The following RIC1 variants were observed in gnomAD, a reference collection of about 807,000 sequenced individuals.
RIC1 encodes the protein guanine nucleotide exchange factor subunit RIC1.
A neutral mutation model predicts 169.0 loss-of-function variants in RIC1; 88 were observed. The ratio of observed to expected loss-of-function variants is 0.52; its 90% CI spans 0.44 to 0.62. The LOEUF (loss-of-function observed/expected upper bound fraction) is 0.62, where lower values mean the gene tolerates loss of function less well. Among genes scored for constraint, RIC1 ranks in the 20% least tolerant of loss-of-function variants. The pLI, the probability that RIC1 is intolerant of heterozygous loss-of-function variation, is 0.00. For missense variants in RIC1, 1,877 were observed against 1,725.5 expected, an observed-to-expected ratio of 1.09 and a Z score of -1.56; for synonymous variants, 790 against 601.5, an observed-to-expected ratio of 1.31 and a Z score of -4.59.
Position 5,763,503 on chromosome 9 carries a change from A to T in RIC1, c.2476A>T (p.Ile826Phe). ...CTGTGTTGTGGAGAGAACCTCTCAG[A>T]TCTACCTCCACCACATTCTACGTCA... is the stretch of plus-strand genomic sequence containing the variant. Reference protein sequence around the residue: ...PFCVVERTSQIYLHHILRQLL... With the variant: ...PFCVVERTSQFYLHHILRQLL... The change falls in exon 19 of 26, where the codon ATC (isoleucine) becomes TTC (phenylalanine). Residue 826 changes from isoleucine to phenylalanine, a missense_variant. Coordinates refer to ENST00000414202, the MANE Select transcript of RIC1 (RefSeq NM_020829.4). This position sits in a 1 kb window ranked among gnomAD's most constrained non-coding sequence, Gnocchi z 5.2. The T allele has an allele frequency of 6.2e-7, 1 of 1,614,154 alleles. No individual in the cohort carries two copies. The highest frequency in any genetic ancestry group is 8.5e-7 in the Non-Finnish European group (1 of 1,180,014).
At chr9:5,724,694 T>C (rs78828765) in intron 6 of RIC1, among the ~76,000 whole-genome samples, 1 of 152,318 alleles carries the variant, frequency 6.6e-6, no homozygotes, top group African/African-American at 2.4e-5. Context: ...TTTGTGGGTT[T>C]GTCATAAGTA....
At chr9:5,740,277 C>T (rs1274395037) in intron 8 of RIC1, among the ~76,000 whole-genome samples, 1 of 152,090 alleles carries the variant, frequency 6.6e-6, no homozygotes. Context: ...CAAGGACTGT[C>T]AGTGCGTACT....
chr9:5,696,984 C>G (rs1000057495), intron 3 of RIC1, among the ~76,000 whole-genome samples: 5 of 152,164 alleles, frequency 3.3e-5, no homozygotes, highest in African/African-American at 7.2e-5. Flanking sequence ...TTAAGAAGGT[C>G]TCTCCATTCT....
chr9:5,718,139 CA>C (rs35477806), intron 4 of RIC1, among the ~76,000 whole-genome samples: 237 of 28,056 alleles, frequency 8.4e-3, no homozygotes, highest in Non-Finnish European at 0.012. Flanking sequence ...GACTCCGTCT[CA>C]AAAAAAAAAA....
chr9:5,703,272 G>GA (rs1373428588), intron 3 of RIC1, among the ~76,000 whole-genome samples: 1 of 152,182 alleles, frequency 6.6e-6, no homozygotes, highest in Non-Finnish European at 1.5e-5. Context: ...TCAGCCAAAA[G>GA]AAAGGGACTA....
intron 6 of RIC1, among the ~76,000 whole-genome samples, chr9:5,727,786 G>A (rs1824090826): frequency 6.6e-6 from 1 of 152,228 alleles, no homozygotes; most frequent in South Asian, 2.1e-4. Context: ...CTGTAGGTCT[G>A]TTGGAGTTTG....
intron 1 of RIC1, 111 bp downstream of exon 1, chr9:5,629,564 C>T (rs1478113929): frequency 2.5e-6 from 3 of 1,191,234 alleles, no homozygotes; most frequent in Admixed American, 6.9e-5. Context: ...GTGCCAGACC[C>T]ACCTGCCTTC....
chr9:5,774,829 T>C lies in RIC1; in HGVS notation c.*583T>C, dbSNP rs1827490017. The C allele has an allele frequency of 6.6e-6, 1 of 152,288 alleles. No homozygotes were observed. Among genetic ancestry groups the C allele is most frequent in the Non-Finnish European group, 1.5e-5 (1 of 68,086 alleles). 9.4% of individuals were successfully genotyped at this position (152,288 alleles called of 1,614,324 possible). On this transcript the variant is annotated 3_prime_UTR_variant, in exon 26 of 26. Transcript: ENST00000414202. ...CCAGTCCAGAATTGATGGAAGCTAT[T>C]TACCTGTGAGTTAATGTGCTTGTTT...
At position 5,763,338 on chromosome 9, in the gene RIC1, C is replaced by T; in HGVS notation, c.2311C>T (p.Pro771Ser). The change falls in exon 19 of 26, where the codon CCT becomes TCT. Residue 771 changes from proline to serine, a missense_variant. Around this residue, in one of 3 missense-constraint regions of RIC1, gnomAD observed 1,104 missense variants for 992.0 expected, o/e 1.11. Coordinates refer to ENST00000414202, the MANE Select transcript of RIC1 (RefSeq NM_020829.4). This position sits in a 1 kb window ranked among gnomAD's most constrained non-coding sequence, Gnocchi z 5.2. The stretch of plus-strand genomic sequence containing the variant: ...CTTCTTGTCCCAGCGGATCATGCTG[C>T]CTTTCCACATCAACATTTACCCGCT... ...HSFLSQRIML[P>S]FHINIYPLAV... The T allele has an allele frequency of 6.2e-7, 1 of 1,614,166 alleles. No homozygotes were observed. Among genetic ancestry groups the T allele is most frequent in the East Asian group, 2.2e-5 (1 of 44,886 alleles).
chr9:5,692,492 A>G (rs1821643235), intron 3 of RIC1, among the ~76,000 whole-genome samples: 1 of 152,038 alleles, frequency 6.6e-6, no homozygotes, highest in Admixed American at 6.6e-5. Flanking sequence ...ATATATATCT[A>G]CTTGATATTT....
At chr9:5,771,274 T>G (rs1563727172) in intron 23 of RIC1, among the ~76,000 whole-genome samples, 1 of 152,216 alleles carries the variant, frequency 6.6e-6, no homozygotes, top group Non-Finnish European at 1.5e-5. Context: ...CTCTCTGAAT[T>G]TGACTATTCT....
In RIC1 at chr9:5,629,408, C is replaced by G. The variant is rs754075935; in HGVS notation, c.99C>G (p.Phe33Leu). Residue 33 changes from phenylalanine to leucine, a missense_variant, in exon 1 of 26, where the codon TTC (phenylalanine) becomes TTG (leucine). This residue lies in a region of RIC1 where 1,104 missense variants were observed against 992.0 expected (regional missense o/e 1.11). Coordinates refer to ENST00000414202, the MANE Select transcript of RIC1 (RefSeq NM_020829.4). Reference sequence around the variant, plus strand: ...TTCAGTCCGACCCGCAGAGGGCTTTCTTCGCCGTGCTGGCCGCGGCCCGCC... The same window carrying G: ...TTCAGTCCGACCCGCAGAGGGCTTTGTTCGCCGTGCTGGCCGCGGCCCGCC... ...FHVQSDPQRA[F>L]FAVLAAARLS... 7 of 1,533,946 alleles carry G rather than the reference C, an allele frequency of 4.6e-6. No homozygotes were observed. In the South Asian group the frequency reaches 8.4e-5, roughly 18 times the overall value.
At chr9:5,659,597 C>T (rs779283923) in intron 2 of RIC1, among the ~76,000 whole-genome samples, 3 of 152,094 alleles carry the variant, frequency 2.0e-5, no homozygotes, top group Admixed American at 6.6e-5. Context: ...TGCATTGAAT[C>T]TGTAGTTCTC....
intron 11 of RIC1, among the ~76,000 whole-genome samples, 178 bp downstream of exon 11, chr9:5,746,261 G>A (rs1825372148): frequency 1.3e-5 from 2 of 151,778 alleles, no homozygotes; most frequent in African/African-American, 4.8e-5. Context: ...TTCTCAACGG[G>A]TTGTGTTTCT....
chr9:5,727,981 C>T (rs886561899), intron 6 of RIC1, among the ~76,000 whole-genome samples: 9 of 152,200 alleles, frequency 5.9e-5, no homozygotes, highest in African/African-American at 2.2e-4. Flanking sequence ...AGTTAGGCTA[C>T]TTATGGGTCA....
intron 7 of RIC1, among the ~76,000 whole-genome samples, chr9:5,734,080 A>G (rs1824544188): frequency 6.8e-6 from 1 of 147,106 alleles, no homozygotes; most frequent in South Asian, 2.1e-4. Context: ...TATATAATAT[A>G]TATTTTAAAT....
Position 5,673,533 on chromosome 9 carries a change from G to GATATATATATATATATAT in RIC1, c.253-16425_253-16424insTATATATATATATATATA, listed in dbSNP as rs1424748579. ...AAATATATATGCACCAAAACATAAG[G>GATATATATATATATATAT]AGATATATATATATATATATATATA... On this transcript the variant is annotated intron_variant, in intron 2 of 25. Transcript: ENST00000414202. Among the ~76,000 whole-genome samples the GATATATATATATATATAT allele has an allele frequency of 2.3e-4, 14 of 60,706 alleles. 1 individual carries two copies. The highest frequency in any genetic ancestry group is 1.5e-3 in the African/African-American group (11 of 7,282). The allele number at this position is 60,706 out of a possible 152,430, so 39.8% of individuals were successfully genotyped here.
intron 19 of RIC1, among the ~76,000 whole-genome samples, chr9:5,764,597 G>T (rs567711387): frequency 6.6e-6 from 1 of 152,212 alleles, no homozygotes; most frequent in East Asian, 1.9e-4. Context: ...GCCTGAAGCA[G>T]ATTTCCTGTC....
intron 14 of RIC1, among the ~76,000 whole-genome samples, chr9:5,754,258 A>C (rs1323499069): frequency 6.6e-6 from 1 of 152,222 alleles, no homozygotes; most frequent in East Asian, 1.9e-4. Flanking sequence ...ATTAAGCCAG[A>C]ATTTACACTA....
Sources: gnomAD v4.1 joint callset for allele counts (sites outside exome capture counted in the v4.1 genomes callset) on GRCh38, gnomAD v4.1.1 for gene constraint, gnomAD v4.1.1 regional missense constraint, Gnocchi (gnomAD v3.1) non-coding constraint, MANE v1.5 for transcripts, NCBI Gene and HGNC (gene_info 2026-07-23, HGNC 2026-07-21) for gene names.